Variants in LRP1B observed in about 807,000 individuals in gnomAD.
LRP1B encodes the protein LDL receptor related protein 1B.
Under a neutral mutation model 556.6 loss-of-function variants are expected in LRP1B, and 217 were observed. That is an observed-to-expected ratio of 0.39 (90% CI 0.35 to 0.44). The LOEUF (loss-of-function observed/expected upper bound fraction) is 0.44. LRP1B is among the 20% of genes least tolerant of loss of function. The pLI, the probability that LRP1B is intolerant of heterozygous loss-of-function variation, is 1.00. For missense variants in LRP1B, 5,053 were observed against 5,620.8 expected, an observed-to-expected ratio of 0.90 and a Z score of 3.23; for synonymous variants, 2,047 against 1,865.8, an observed-to-expected ratio of 1.10 and a Z score of -2.50.
At chr2:140,799,436 C>T (rs896865236) in intron 32 of LRP1B, among the ~76,000 whole-genome samples, 1 of 152,156 alleles carries the variant, frequency 6.6e-6, no homozygotes, top group African/African-American at 2.4e-5. Context: ...TTTGGACTTT[C>T]CAGCCTCCAG....
Position 140,506,223 on chromosome 2 carries a change from T to TTAATTA in LRP1B, c.8521+572_8521+573insTAATTA, listed in dbSNP as rs530618906. ...AAAATACGTTAAACCAAAGACATTT[T>TTAATTA]TAATTTTAATTTTAATTTATTTATT... On this transcript the variant is annotated intron_variant, in intron 53 of 90. Transcript: ENST00000389484. Among the ~76,000 whole-genome samples the TTAATTA allele has an allele frequency of 3.2e-4, 49 of 152,216 alleles. No homozygotes were observed. The South Asian group carries it at 9.9e-3, about 31-fold the overall frequency.
At chr2:140,783,877 A>T (rs1689790316) in intron 32 of LRP1B, among the ~76,000 whole-genome samples, 1 of 152,246 alleles carries the variant, frequency 6.6e-6, no homozygotes, top group South Asian at 2.1e-4. Flanking sequence ...GATAATCTAC[A>T]TTAGAAGTTC....
intron 47 of LRP1B, among the ~76,000 whole-genome samples, chr2:140,532,614 C>A (rs761247831): frequency 6.6e-6 from 1 of 151,860 alleles, no homozygotes; most frequent in Non-Finnish European, 1.5e-5. Flanking sequence ...CCAGGATGGT[C>A]TCAATCTCTT....
At chr2:140,789,636 T>C (rs1390826820) in intron 32 of LRP1B, among the ~76,000 whole-genome samples, 2 of 125,756 alleles carry the variant, frequency 1.6e-5, no homozygotes, top group African/African-American at 5.8e-5. Flanking sequence ...TTTTTTTTTT[T>C]TTTTTTTTTT....
chr2:140,399,176 C>CACACACATACACACACACACACACACACA (rs1553459872), intron 66 of LRP1B, among the ~76,000 whole-genome samples: 11 of 151,716 alleles, frequency 7.3e-5, no homozygotes, highest in African/African-American at 1.2e-4. Flanking sequence ...CACACACACA[C>CACACACATACACACACACACACACACACA]ACACACACAC....
At chr2:140,360,477 C>G (rs1400431754) in intron 72 of LRP1B, among the ~76,000 whole-genome samples, 1 of 151,512 alleles carries the variant, frequency 6.6e-6, no homozygotes, top group Non-Finnish European at 1.5e-5. Context: ...TTTCTATTTT[C>G]TAAAATAAAC....
intron 1 of LRP1B, among the ~76,000 whole-genome samples, chr2:142,008,833 A>G (rs1242824081): frequency 6.6e-6 from 1 of 152,074 alleles, no homozygotes; most frequent in Non-Finnish European, 1.5e-5. Context: ...TATAGTTGGT[A>G]TTTCATATAT....
intron 1 of LRP1B, among the ~76,000 whole-genome samples, chr2:141,843,196 C>T (rs1465829471): frequency 2.6e-5 from 4 of 151,956 alleles, no homozygotes; most frequent in Non-Finnish European, 4.4e-5. Context: ...TATAAATGTA[C>T]TTGAAATATC....
intron 27 of LRP1B, among the ~76,000 whole-genome samples, chr2:140,866,598 G>C (rs1692960169): frequency 6.6e-6 from 1 of 152,036 alleles, no homozygotes; most frequent in Non-Finnish European, 1.5e-5. Flanking sequence ...CTGAGAAATT[G>C]AGAGTATCTG....
At chr2:141,395,469 C>A (rs1690208041) in intron 3 of LRP1B, among the ~76,000 whole-genome samples, 1 of 152,128 alleles carries the variant, frequency 6.6e-6, no homozygotes, top group African/African-American at 2.4e-5. Flanking sequence ...TACCAGATAA[C>A]TGTATCATGT....
intron 2 of LRP1B, among the ~76,000 whole-genome samples, chr2:141,626,040 T>C (rs1051486219): frequency 6.6e-6 from 1 of 152,120 alleles, no homozygotes; most frequent in African/African-American, 2.4e-5. Context: ...CCAGTCCCTA[T>C]TTAGGGGTTA....
chr2:140,968,627 G>A (rs114149631), intron 18 of LRP1B, among the ~76,000 whole-genome samples: 4,740 of 152,088 alleles, frequency 0.031, 181 homozygotes, highest in African/African-American at 0.091. Flanking sequence ...ATGTTAAGGC[G>A]TCAATTTTGG....
chr2:141,611,382 T>G lies in LRP1B; in HGVS notation c.206-130849A>C, dbSNP rs372633620. ...CATGAGAAAGGAGAAAAATGATGCT[T>G]TTGATAAAAGCAAGTCAAGAAAGGT... On this transcript the variant is annotated intron_variant, in intron 2 of 90. Transcript: ENST00000389484. 2.6e-5 allele frequency among the ~76,000 whole-genome samples: 4 copies of G among 152,322 alleles called. No individual in the cohort carries two copies. The East Asian group carries it at 7.7e-4, about 29-fold the overall frequency.
At chr2:141,315,252 A>AGT (rs555303248) in intron 3 of LRP1B, among the ~76,000 whole-genome samples, 3 of 77,166 alleles carry the variant, frequency 3.9e-5, no homozygotes, top group African/African-American at 1.6e-4. Flanking sequence ...AATGATTGTA[A>AGT]TTTTTTTTTT....
chr2:141,369,428 T>G (rs1278367504), intron 3 of LRP1B, among the ~76,000 whole-genome samples: 1 of 152,098 alleles, frequency 6.6e-6, no homozygotes, highest in Non-Finnish European at 1.5e-5. Flanking sequence ...TCAGAAACAA[T>G]GAATTCAAGG....
At chr2:141,076,914 G>A (rs1383393578) in intron 7 of LRP1B, among the ~76,000 whole-genome samples, 1 of 152,116 alleles carries the variant, frequency 6.6e-6, no homozygotes, top group African/African-American at 2.4e-5. Context: ...GCAATGTCTG[G>A]TAACAAGCTC....
intron 3 of LRP1B, among the ~76,000 whole-genome samples, chr2:141,296,175 C>A (rs533317986): frequency 1.2e-4 from 18 of 152,114 alleles, no homozygotes; most frequent in Non-Finnish European, 2.4e-4. Flanking sequence ...TAGTGATAAG[C>A]TATCCTAACT....
chr2:141,956,747 G>A (rs1014093663), intron 1 of LRP1B, among the ~76,000 whole-genome samples: 1 of 151,856 alleles, frequency 6.6e-6, no homozygotes, highest in African/African-American at 2.4e-5. Context: ...ACTTAGCTTC[G>A]TGCTTTGCAC....
chr2:140,800,012 T>C (rs1690451984), intron 32 of LRP1B, among the ~76,000 whole-genome samples: 1 of 152,082 alleles, frequency 6.6e-6, no homozygotes, highest in Non-Finnish European at 1.5e-5. Flanking sequence ...TGTCCATCAA[T>C]GATAGACTAG....
Sources: gnomAD v4.1 joint callset for allele counts (sites outside exome capture counted in the v4.1 genomes callset) on GRCh38, gnomAD v4.1.1 for gene constraint, MANE v1.5 for transcripts, NCBI Gene and HGNC (gene_info 2026-07-23, HGNC 2026-07-21) for gene names.